Variants in LMAN2 observed in about 807,000 individuals in gnomAD.
The protein encoded by LMAN2 is vesicular integral-membrane protein VIP36.
LMAN2 carries 22 observed loss-of-function variants against 39.3 expected under a neutral mutation model. The ratio of observed to expected loss-of-function variants is 0.56; its 90% CI spans 0.40 to 0.80. The LOEUF (loss-of-function observed/expected upper bound fraction) is 0.80, where lower values mean the gene tolerates loss of function less well. LMAN2 is among the 30% of genes least tolerant of loss of function. The probability of loss-of-function intolerance (pLI) is 0.00; values close to 1 mark genes in which losing one functional copy is unlikely to be tolerated. For synonymous variants in LMAN2, 207 were observed against 207.8 expected (o/e 1.00, Z 0.03); for missense variants, 494 against 505.4 (o/e 0.98, Z 0.22).
At position 177,338,511 on chromosome 5, in the gene LMAN2, T is replaced by C. The variant is rs1352585196; in HGVS notation, c.410A>G (p.Tyr137Cys). ...ACCTGGCACGAGGCGGTCCCGGGTGTACCACAAGGCGATGCCGTCTCCATG... is the reference window on the plus strand; with the variant it reads ...ACCTGGCACGAGGCGGTCCCGGGTGCACCACAAGGCGATGCCGTCTCCATG... ...NLHGDGIALW[Y>C]TRDRLVPGPV... Residue 137 changes from tyrosine (Y) to cysteine (C), a missense_variant, in exon 3 of 8, where the codon TAC becomes TGC. By Grantham distance (194) the Tyr-to-Cys change is radical (BLOSUM62 -2). Transcript: ENST00000303127. 6.2e-7 allele frequency: 1 copy of C among 1,614,160 alleles called. No homozygotes were observed. The highest frequency in any genetic ancestry group is 1.7e-5 in the Admixed American group (1 of 60,028).
At chr5:177,334,029 G>T (rs913961601) in intron 7 of LMAN2, among the ~76,000 whole-genome samples, 2 of 152,236 alleles carry the variant, frequency 1.3e-5, no homozygotes, top group Non-Finnish European at 2.9e-5. Context: ...TGTCCTCAGG[G>T]ACTGACTCTC....
chr5:177,338,266 C>G (rs886125297), intron 3 of LMAN2, among the ~76,000 whole-genome samples: 4 of 152,188 alleles, frequency 2.6e-5, no homozygotes, highest in African/African-American at 9.7e-5. Flanking sequence ...TAGGGTTGAG[C>G]TGCAGGACCC....
chr5:177,345,917 G>T, intron 2 of LMAN2, among the ~76,000 whole-genome samples: 1 of 152,020 alleles, frequency 6.6e-6, no homozygotes, highest in South Asian at 2.1e-4. Context: ...ACAAGCGCCC[G>T]CCACCACACC....
chr5:177,348,077 A>G (rs1761661468), intron 2 of LMAN2, among the ~76,000 whole-genome samples: 1 of 152,350 alleles, frequency 6.6e-6, no homozygotes, highest in South Asian at 2.1e-4. Flanking sequence ...TCTTATTCTG[A>G]CAGTATTATC....
intron 2 of LMAN2, among the ~76,000 whole-genome samples, chr5:177,350,046 TG>T (rs1269616628): frequency 3.3e-5 from 5 of 152,184 alleles, no homozygotes; most frequent in Non-Finnish European, 7.3e-5. Context: ...GCAGACATAA[TG>T]CATGCTTACC....
Position 177,342,112 on chromosome 5 carries a change from C to T in LMAN2, c.316-3507G>A, listed in dbSNP as rs369662500. Among the ~76,000 whole-genome samples, 170 of 152,098 alleles carry T rather than the reference C, an allele frequency of 1.1e-3. 1 individual carries two copies. In the South Asian group the frequency reaches 0.012, roughly 11 times the overall value. Reference sequence around the variant, plus strand: ...TCATTAAATGTAAATGGACTAAATGCTAAATAAAAAAACAAAACCCAAGGG... The same window carrying T: ...TCATTAAATGTAAATGGACTAAATGTTAAATAAAAAAACAAAACCCAAGGG... On this transcript the variant is annotated intron_variant, in intron 2 of 7. Transcript: ENST00000303127.
chr5:177,350,085 G>T (rs1034389966), intron 2 of LMAN2, among the ~76,000 whole-genome samples: 1 of 152,232 alleles, frequency 6.6e-6, no homozygotes, highest in Non-Finnish European at 1.5e-5. Flanking sequence ...ACGCTCTGAG[G>T]ATCAGACTGA....
At chr5:177,335,219 T>C (rs1475678243) in intron 6 of LMAN2, among the ~76,000 whole-genome samples, 1 of 152,232 alleles carries the variant, frequency 6.6e-6, no homozygotes, top group African/African-American at 2.4e-5. Context: ...TGCACAGCCC[T>C]TGGAGACGGC....
At chr5:177,343,718 T>G (rs1453321096) in intron 2 of LMAN2, among the ~76,000 whole-genome samples, 1 of 152,138 alleles carries the variant, frequency 6.6e-6, no homozygotes, top group Non-Finnish European at 1.5e-5. Context: ...CATTTATCAT[T>G]TATGTGAGAT....
chr5:177,339,724 G>C (rs1368801966), intron 2 of LMAN2, among the ~76,000 whole-genome samples: 1 of 152,170 alleles, frequency 6.6e-6, no homozygotes, highest in African/African-American at 2.4e-5. Flanking sequence ...CAGGAGTAAA[G>C]GAACATGAAC....
chr5:177,348,699 A>C (rs1181535549), intron 2 of LMAN2, among the ~76,000 whole-genome samples: 2 of 149,820 alleles, frequency 1.3e-5, no homozygotes, highest in Non-Finnish European at 3.0e-5. Flanking sequence ...AAAAAAAAAA[A>C]AAAAAAAAAA....
chr5:177,334,719 G>A (rs1289364738), intron 6 of LMAN2, among the ~76,000 whole-genome samples: 1 of 152,238 alleles, frequency 6.6e-6, no homozygotes, highest in African/African-American at 2.4e-5. Flanking sequence ...ATCTCCATCT[G>A]TGTGGTTGCC....
Position 177,337,524 on chromosome 5 carries a change from G to T in LMAN2, c.514C>A (p.Arg172Ser). Residue 172 changes from arginine (R) to serine (S), a missense_variant and splice_region_variant, in exon 5 of 8, where the codon CGC (arginine) becomes AGC (serine). Coordinates refer to ENST00000303127, the MANE Select transcript of LMAN2 (RefSeq NM_006816.3). This position sits in a 1 kb window ranked among gnomAD's most constrained non-coding sequence, Gnocchi z 8.2. ...DTYPNDETTE[R>S]VFPYISVMVN... ...ATCACCGAGATGTACGGGAACACGCGCTGGGACCAAGACATCGGTTACTCC... is the reference window on the plus strand; with the variant it reads ...ATCACCGAGATGTACGGGAACACGCTCTGGGACCAAGACATCGGTTACTCC... The T allele has an allele frequency of 6.2e-7, 1 of 1,613,704 alleles. No homozygotes were observed. Among genetic ancestry groups the T allele is most frequent in the Non-Finnish European group, 8.5e-7 (1 of 1,179,748 alleles).
chr5:177,337,306 C>T lies in LMAN2; in HGVS notation c.676-56G>A. 1 of 1,611,882 alleles carries T rather than the reference C, an allele frequency of 6.2e-7. No individual in the cohort carries two copies. The highest frequency in any genetic ancestry group is 1.7e-5 in the Admixed American group (1 of 59,974). Reference sequence around the variant, plus strand: ...AGGACAGCAGCCTGCCCTCCTGAGCCTCTGTGGGACCAGCACAGGGCCACC... The same window carrying T: ...AGGACAGCAGCCTGCCCTCCTGAGCTTCTGTGGGACCAGCACAGGGCCACC... On this transcript the variant is annotated intron_variant, in intron 5 of 7. Coordinates refer to ENST00000303127, the MANE Select transcript of LMAN2 (RefSeq NM_006816.3). This position sits in a 1 kb window ranked among gnomAD's most constrained non-coding sequence, Gnocchi z 8.2.
intron 2 of LMAN2, among the ~76,000 whole-genome samples, chr5:177,348,216 T>C (rs1025515567): frequency 5.9e-5 from 9 of 152,194 alleles, no homozygotes; most frequent in Non-Finnish European, 1.2e-4. Flanking sequence ...ATAATTATAA[T>C]AATCTCAAAC....
rs1446765689 is a variant in LMAN2, at chr5:177,351,502, C to G, written c.146G>C (p.Gly49Ala). The part of the protein sequence containing the change: ...LGSVTADITD[G>A]NSEHLKREHS... ...CTCCCGCTTGAGATGTTCACTGTTG[C>G]CGTCAGTTATATCCGCAGTCACAGA... The change falls in exon 1 of 8, where the codon GGC becomes GCC. Residue 49 changes from glycine (G) to alanine (A), a missense_variant. Transcript: ENST00000303127. 6.2e-7 allele frequency: 1 copy of G among 1,614,174 alleles called. No individual in the cohort carries two copies. Among genetic ancestry groups the G allele is most frequent in the Admixed American group, 1.7e-5 (1 of 60,020 alleles).
At chr5:177,344,881 G>A (rs1184560119) in intron 2 of LMAN2, among the ~76,000 whole-genome samples, 2 of 151,588 alleles carry the variant, frequency 1.3e-5, no homozygotes, top group African/African-American at 4.8e-5. Flanking sequence ...ACTCCAGCCT[G>A]GGCAACAGAG....
intron 2 of LMAN2, among the ~76,000 whole-genome samples, chr5:177,345,338 C>CT (rs1463299228): frequency 2.2e-4 from 8 of 36,702 alleles, no homozygotes; most frequent in South Asian, 8.0e-4. Flanking sequence ...AAGACCCTGT[C>CT]TAAAAAAAAA....
In LMAN2 at chr5:177,337,133, C is replaced by A. The variant is rs746590425; in HGVS notation, c.790+3G>T. ...GAACCAACGCCTGGCCCGGCCCACTCACCAGACAGGTCGCCGGTGCCGGCG... is the reference window on the plus strand; with the variant it reads ...GAACCAACGCCTGGCCCGGCCCACTAACCAGACAGGTCGCCGGTGCCGGCG... On this transcript the variant is annotated splice_donor_region_variant and intron_variant, in intron 6 of 7. Coordinates refer to ENST00000303127, the MANE Select transcript of LMAN2 (RefSeq NM_006816.3). This position sits in a 1 kb window ranked among gnomAD's most constrained non-coding sequence, Gnocchi z 8.2. The A allele has an allele frequency of 6.2e-7, 1 of 1,611,162 alleles. No individual in the cohort carries two copies. Among genetic ancestry groups the A allele is most frequent in the Admixed American group, 1.7e-5 (1 of 59,998 alleles).
Sources: gnomAD v4.1 joint callset for allele counts (sites outside exome capture counted in the v4.1 genomes callset) on GRCh38, gnomAD v4.1.1 for gene constraint, Gnocchi (gnomAD v3.1) non-coding constraint, MANE v1.5 for transcripts, NCBI Gene and HGNC (gene_info 2026-07-23, HGNC 2026-07-21) for gene names.